FHOD3: variants seen among roughly 807,000 people sequenced by gnomAD.
FHOD3 encodes formin homology 2 domain containing 3, also known as FH1/FH2 domain-containing protein 3.
A neutral mutation model predicts 173.0 loss-of-function variants in FHOD3; 90 were observed. The ratio of observed to expected loss-of-function variants is 0.52; its 90% CI spans 0.44 to 0.62. The LOEUF is 0.62. Among genes scored for constraint, FHOD3 ranks in the 20% least tolerant of loss-of-function variants. The pLI, the probability that FHOD3 is intolerant of heterozygous loss-of-function variation, is 0.00. For synonymous variants in FHOD3, 828 were observed against 823.0 expected (o/e 1.01, Z -0.10); for missense variants, 1,945 against 2,034.7 (o/e 0.96, Z 0.85).
intron 4 of FHOD3, among the ~76,000 whole-genome samples, chr18:36,509,835 C>T (rs1370825240): frequency 6.6e-6 from 1 of 152,174 alleles, no homozygotes; most frequent in African/African-American, 2.4e-5. Context: ...TTCCCAGGAC[C>T]GTCATTAAGC....
At position 36,592,148 on chromosome 18, in the gene FHOD3, G is replaced by A. The variant is rs137861163; in HGVS notation, c.607-2639G>A. Among the ~76,000 whole-genome samples the A allele has an allele frequency of 2.7e-3, 412 of 152,360 alleles. 3 individuals carry two copies. Among genetic ancestry groups the A allele is most frequent in the Non-Finnish European group, 4.7e-3 (318 of 68,034 alleles). ...GCAGGAGAATCACTTGAACCTGGGA[G>A]GTGGAGGTTGCAGTGAGCTGAGATT... On this transcript the variant is annotated intron_variant, in intron 6 of 28. Coordinates refer to ENST00000590592, the MANE Select transcript of FHOD3 (RefSeq NM_001281740.3).
At chr18:36,355,432 A>C in intron 1 of FHOD3, 107 bp from the exon 2 acceptor site, 1 of 829,608 alleles carries the variant, frequency 1.2e-6, no homozygotes, top group Non-Finnish European at 2.0e-6. Flanking sequence ...ACATTTCAGA[A>C]CATTGCTTGA....
intron 4 of FHOD3, among the ~76,000 whole-genome samples, chr18:36,507,124 T>C (rs2055350112): frequency 2.6e-5 from 4 of 152,216 alleles, no homozygotes; most frequent in Admixed American, 1.3e-4. Context: ...AAGTACTTAT[T>C]TGTGAATAGG....
chr18:36,648,062 C>T (rs1568546930), intron 10 of FHOD3, among the ~76,000 whole-genome samples: 1 of 152,090 alleles, frequency 6.6e-6, no homozygotes, highest in Admixed American at 6.6e-5. Flanking sequence ...GTAGATGATG[C>T]CTGGAGTGAG....
intron 3 of FHOD3, among the ~76,000 whole-genome samples, chr18:36,406,724 C>T (rs868082393): frequency 3.9e-5 from 6 of 152,108 alleles, no homozygotes; most frequent in South Asian, 2.1e-4. Context: ...CATATTCTGG[C>T]GGGCAGCTTG....
chr18:36,775,471 C>G (rs2043587744), intron 28 of FHOD3, among the ~76,000 whole-genome samples: 1 of 152,180 alleles, frequency 6.6e-6, no homozygotes. Flanking sequence ...AGTGTGAGCC[C>G]TGGGCCAGTG....
chr18:36,307,522 G>A (rs568211590), intron 1 of FHOD3, among the ~76,000 whole-genome samples: 1 of 152,342 alleles, frequency 6.6e-6, no homozygotes, highest in South Asian at 2.1e-4. Context: ...GGTGGCAGAA[G>A]TAAAGAGCTG....
intron 14 of FHOD3, among the ~76,000 whole-genome samples, chr18:36,679,851 C>G (rs1027888257): frequency 1.3e-5 from 2 of 152,064 alleles, no homozygotes; most frequent in Admixed American, 6.5e-5. Flanking sequence ...TATGTTTTCT[C>G]CCATTTGGGC....
chr18:36,622,680 C>A (rs781375326), intron 9 of FHOD3, among the ~76,000 whole-genome samples: 1 of 152,144 alleles, frequency 6.6e-6, no homozygotes, highest in African/African-American at 2.4e-5. Flanking sequence ...ATACTCATTG[C>A]GCTGTATTTG....
intron 2 of FHOD3, among the ~76,000 whole-genome samples, chr18:36,369,514 G>T (rs200638900): frequency 0.091 from 12,700 of 140,096 alleles, 971 homozygotes; most frequent in East Asian, 0.42. Context: ...TATAGAGAGA[G>T]AGAGAGAGAG....
chr18:36,507,329 T>C (rs1004252657), intron 4 of FHOD3, among the ~76,000 whole-genome samples: 4 of 152,248 alleles, frequency 2.6e-5, no homozygotes, highest in Non-Finnish European at 1.5e-5. Context: ...CTTCATGCTA[T>C]ATATAAATTG....
chr18:36,344,577 G>A (rs1271524427), intron 1 of FHOD3, among the ~76,000 whole-genome samples: 2 of 151,976 alleles, frequency 1.3e-5, no homozygotes, highest in Admixed American at 1.3e-4. Context: ...GGAATAAATA[G>A]AATACTAGAA....
At chr18:36,575,649 T>C (rs1014811065) in intron 5 of FHOD3, among the ~76,000 whole-genome samples, 3 of 152,188 alleles carry the variant, frequency 2.0e-5, no homozygotes, top group African/African-American at 7.2e-5. Flanking sequence ...GAAATATGAT[T>C]AGGAGCTTAG....
intron 3 of FHOD3, among the ~76,000 whole-genome samples, chr18:36,400,883 G>A (rs1021134702): frequency 1.3e-5 from 2 of 152,202 alleles, no homozygotes; most frequent in African/African-American, 4.8e-5. Context: ...AAAGGATCAG[G>A]ATGGTGAAGA....
intron 17 of FHOD3, among the ~76,000 whole-genome samples, chr18:36,706,061 G>A: frequency 6.6e-6 from 1 of 151,714 alleles, no homozygotes; most frequent in Non-Finnish European, 1.5e-5. Context: ...AAATGTTCTG[G>A]AGTTCGGTGT....
intron 3 of FHOD3, among the ~76,000 whole-genome samples, chr18:36,499,748 T>C (rs2054930956): frequency 1.3e-5 from 2 of 152,218 alleles, no homozygotes; most frequent in South Asian, 2.1e-4. Flanking sequence ...GGGCCTTGTT[T>C]CTTCGGGTCA....
chr18:36,527,483 C>T (rs1266926733), intron 5 of FHOD3, among the ~76,000 whole-genome samples: 2 of 152,106 alleles, frequency 1.3e-5, no homozygotes, highest in Admixed American at 6.6e-5. Flanking sequence ...TTTGTCTTTG[C>T]GGTTGTATGA....
intron 2 of FHOD3, among the ~76,000 whole-genome samples, chr18:36,360,163 A>G (rs901851510): frequency 4.6e-5 from 7 of 152,200 alleles, no homozygotes; most frequent in Non-Finnish European, 1.0e-4. Flanking sequence ...CTTTTAGGCA[A>G]GCCCTGGAGG....
Position 36,442,817 on chromosome 18 carries a change from A to G in FHOD3, c.338-59115A>G, listed in dbSNP as rs116938017. Among the ~76,000 whole-genome samples the G allele has an allele frequency of 6.4e-3, 980 of 152,242 alleles. 4 individuals are homozygous for G. Among genetic ancestry groups the G allele is most frequent in the Middle Eastern group, 0.02 (6 of 294 alleles). ...TCACTAATGCCCTTTTTCCTATTCC[A>G]AGGTCCAGTTCAGTATCCAATCCAG... On this transcript the variant is annotated intron_variant, in intron 3 of 28. Transcript: ENST00000590592.
Sources: allele counts gnomAD v4.1 joint callset (sites outside exome capture counted in the v4.1 genomes callset), GRCh38; gene constraint gnomAD v4.1.1; transcripts MANE v1.5; gene names NCBI Gene and HGNC (gene_info 2026-07-23, HGNC 2026-07-21).